STX8: variants seen among roughly 807,000 people sequenced by gnomAD.
STX8 encodes the protein syntaxin 8, also known as syntaxin-8.
STX8 carries 23 observed loss-of-function variants against 37.5 expected under a neutral mutation model. The ratio of observed to expected loss-of-function variants is 0.61; its 90% CI spans 0.44 to 0.87. STX8 has a LOEUF of 0.87. Ranked by LOEUF, STX8 falls within the 40% of genes least tolerant of loss-of-function variation. The pLI, the probability that STX8 is intolerant of heterozygous loss-of-function variation, is 0.00. For missense variants in STX8, 313 were observed against 284.7 expected (o/e 1.10, Z -0.71); for synonymous variants, 115 against 99.1 (o/e 1.16, Z -0.95).
chr17:9,326,640 G>A (rs1439965407), intron 7 of STX8, among the ~76,000 whole-genome samples: 1 of 152,200 alleles, frequency 6.6e-6, no homozygotes, highest in Non-Finnish European at 1.5e-5. Context: ...CCTGTGTCCT[G>A]AGGCAGAACT....
At chr17:9,428,449 C>T (rs1567555832) in intron 6 of STX8, among the ~76,000 whole-genome samples, 2 of 152,158 alleles carry the variant, frequency 1.3e-5, no homozygotes, top group Non-Finnish European at 2.9e-5. Context: ...ACCGTGTTAG[C>T]CAGGATGGTC....
chr17:9,563,552 C>T (rs902451608), intron 2 of STX8, among the ~76,000 whole-genome samples: 3 of 151,750 alleles, frequency 2.0e-5, no homozygotes, highest in South Asian at 2.1e-4. Context: ...CACATACACA[C>T]GCATAGAGGC....
At chr17:9,379,244 C>CAA (rs34928127) in intron 6 of STX8, among the ~76,000 whole-genome samples, 15 of 76,638 alleles carry the variant, frequency 2.0e-4, no homozygotes, top group African/African-American at 2.3e-4. Flanking sequence ...GACTCCATCT[C>CAA]AAAAAAAAAA....
chr17:9,285,413 TAA>T (rs56156370), intron 7 of STX8, among the ~76,000 whole-genome samples: 39 of 108,358 alleles, frequency 3.6e-4, no homozygotes, highest in African/African-American at 1.9e-4. Context: ...AAAGTAGTGA[TAA>T]AAAAAAAAAA....
At chr17:9,480,608 G>A (rs919795529) in intron 6 of STX8, among the ~76,000 whole-genome samples, 2 of 152,104 alleles carry the variant, frequency 1.3e-5, no homozygotes, top group Admixed American at 1.3e-4. Flanking sequence ...CATGGGGTAG[G>A]GGAGAAGGAT....
At chr17:9,483,665 T>C (rs1455142146) in intron 6 of STX8, among the ~76,000 whole-genome samples, 3 of 152,314 alleles carry the variant, frequency 2.0e-5, no homozygotes, top group Non-Finnish European at 4.4e-5. Flanking sequence ...CGCAGAGTCG[T>C]ATTTTATCCT....
chr17:9,286,960 C>A (rs1031243348), intron 7 of STX8, among the ~76,000 whole-genome samples: 1 of 152,154 alleles, frequency 6.6e-6, no homozygotes, highest in Non-Finnish European at 1.5e-5. Context: ...ATGGGAATGA[C>A]ATTACCTGTC....
chr17:9,426,560 G>C (rs1268661936), intron 6 of STX8, among the ~76,000 whole-genome samples: 1 of 151,904 alleles, frequency 6.6e-6, no homozygotes, highest in African/African-American at 2.4e-5. Context: ...AAAAACTAAA[G>C]ACCTGCCTGG....
At chr17:9,434,361 G>A (rs1304714317) in intron 6 of STX8, among the ~76,000 whole-genome samples, 1 of 152,190 alleles carries the variant, frequency 6.6e-6, no homozygotes. Flanking sequence ...AGCCACTAGA[G>A]GATTTTAGCA....
intron 7 of STX8, among the ~76,000 whole-genome samples, chr17:9,287,767 T>C (rs145004364): frequency 4.9e-4 from 75 of 152,016 alleles, no homozygotes; most frequent in African/African-American, 1.8e-3. Flanking sequence ...TTTTTTTTTG[T>C]TTTGAGATGG....
intron 7 of STX8, among the ~76,000 whole-genome samples, chr17:9,338,073 G>A (rs1025273367): frequency 9.7e-5 from 10 of 103,068 alleles, no homozygotes; most frequent in Middle Eastern, 6.3e-3. Flanking sequence ...TTTTTTTTGA[G>A]ATGGAGTCTC....
In STX8 at chr17:9,268,953, T is replaced by C. The variant is rs183208266; in HGVS notation, c.644-18308A>G. ...CTGTAATCCCAGCACTTTGGGAGGC[T>C]GAGGCGGGCGGATCATGAAGTCAGC... On this transcript the variant is annotated intron_variant, in intron 7 of 7. Transcript: ENST00000306357. Among the ~76,000 whole-genome samples the C allele has an allele frequency of 8.0e-3, 1,215 of 152,264 alleles. 9 individuals are homozygous for C. Among genetic ancestry groups the C allele is most frequent in the South Asian group, 0.015 (70 of 4,824 alleles).
intron 6 of STX8, among the ~76,000 whole-genome samples, chr17:9,452,023 C>T (rs1477978420): frequency 6.6e-6 from 1 of 152,160 alleles, no homozygotes; most frequent in Non-Finnish European, 1.5e-5. Flanking sequence ...CATGAATTGT[C>T]CTACTGGAGT....
At chr17:9,541,113 A>G (rs1204822856) in intron 4 of STX8, among the ~76,000 whole-genome samples, 1 of 152,182 alleles carries the variant, frequency 6.6e-6, no homozygotes, top group Non-Finnish European at 1.5e-5. Flanking sequence ...AAACATTCCC[A>G]TCAACTAATT....
At chr17:9,428,326 C>G (rs553410836) in intron 6 of STX8, among the ~76,000 whole-genome samples, 1 of 152,156 alleles carries the variant, frequency 6.6e-6, no homozygotes, top group Non-Finnish European at 1.5e-5. Context: ...CTGCAAGCTC[C>G]GCCTCCCGGG....
At chr17:9,553,861 G>A (rs200737425) in intron 3 of STX8, 20 of 152,280 alleles carry the variant, frequency 1.3e-4, no homozygotes, top group African/African-American at 3.9e-4. Context: ...AACAATTCAC[G>A]TTGGGGCCAC....
intron 6 of STX8, among the ~76,000 whole-genome samples, chr17:9,426,523 T>C (rs914827039): frequency 7.2e-5 from 11 of 152,104 alleles, no homozygotes; most frequent in African/African-American, 2.7e-4. Context: ...CAAAACTCCA[T>C]CTTGAAAACA....
chr17:9,426,425 G>A (rs1007144516), intron 6 of STX8, among the ~76,000 whole-genome samples: 1 of 152,204 alleles, frequency 6.6e-6, no homozygotes, highest in Non-Finnish European at 1.5e-5. Context: ...TACCTGGGAG[G>A]CTGAGGCAGG....
At chr17:9,480,296 G>GA (rs1434422433) in intron 6 of STX8, among the ~76,000 whole-genome samples, 2 of 152,284 alleles carry the variant, frequency 1.3e-5, no homozygotes, top group Non-Finnish European at 2.9e-5. Flanking sequence ...AAACAATTTG[G>GA]AGAATGTACT....
Sources: allele counts gnomAD v4.1 joint callset (sites outside exome capture counted in the v4.1 genomes callset), GRCh38; gene constraint gnomAD v4.1.1; transcripts MANE v1.5; gene names NCBI Gene and HGNC (gene_info 2026-07-23, HGNC 2026-07-21).